GPHN: variants seen among roughly 807,000 people sequenced by gnomAD.
The protein encoded by GPHN is gephyrin.
A neutral mutation model predicts 95.5 loss-of-function variants in GPHN; 17 were observed. The ratio of observed to expected loss-of-function variants is 0.18; its 90% CI spans 0.12 to 0.27. GPHN has a LOEUF of 0.27. Among genes scored for constraint, GPHN ranks in the 10% least tolerant of loss-of-function variants. The probability of loss-of-function intolerance (pLI) is 1.00; values close to 1 mark genes in which losing one functional copy is unlikely to be tolerated. For missense variants in GPHN, 660 were observed against 978.1 expected, an observed-to-expected ratio of 0.67 and a Z score of 4.34; for synonymous variants, 320 against 322.5, an observed-to-expected ratio of 0.99 and a Z score of 0.08.
At chr14:67,593,565 T>TA in the GPHN span, 2 of 567,612 alleles carry the variant, frequency 3.5e-6, no homozygotes, top group Non-Finnish European at 6.2e-6. Flanking sequence ...GTCTTGAAGA[T>TA]AAAGTTGAAA....
At chr14:67,216,122 T>C in the GPHN span, among the ~76,000 whole-genome samples, 2 of 152,168 alleles carry the variant, frequency 1.3e-5, no homozygotes, top group South Asian at 2.1e-4. Flanking sequence ...ATCTAACATG[T>C]GGTACATTTG....
intron 21 of GPHN, among the ~76,000 whole-genome samples, chr14:67,179,266 G>T (rs930473126): frequency 6.6e-6 from 1 of 152,002 alleles, no homozygotes; most frequent in Non-Finnish European, 1.5e-5. Flanking sequence ...CATGCATGTG[G>T]TCCCAGCTAC....
At chr14:67,276,298 T>G in the GPHN span, among the ~76,000 whole-genome samples, 1 of 152,204 alleles carries the variant, frequency 6.6e-6, no homozygotes, top group Non-Finnish European at 1.5e-5. Context: ...TCCAGCTTTA[T>G]TGTATTCTAT....
intron 2 of GPHN, among the ~76,000 whole-genome samples, chr14:66,694,470 G>A (rs1052553221): frequency 3.9e-5 from 6 of 152,178 alleles, no homozygotes; most frequent in Non-Finnish European, 8.8e-5. Flanking sequence ...ATGGAGCAAA[G>A]ATAGTTTTTT....
chr14:66,824,800 G>T (rs1361906647), intron 4 of GPHN, among the ~76,000 whole-genome samples: 1 of 152,088 alleles, frequency 6.6e-6, no homozygotes, highest in African/African-American at 2.4e-5. Flanking sequence ...CTGGTCCAGA[G>T]GTAATCTGTC....
chr14:67,725,061 G>A, the GPHN span: 11 of 1,612,288 alleles, frequency 6.8e-6, no homozygotes, highest in Non-Finnish European at 8.5e-6. Flanking sequence ...TATAGCCTAG[G>A]ATATGAACAT....
chr14:67,578,034 C>A, the GPHN span: 3 of 1,613,532 alleles, frequency 1.9e-6, no homozygotes, highest in Non-Finnish European at 2.5e-6. This position sits in a 1 kb window ranked among gnomAD's most constrained non-coding sequence, Gnocchi z 5.0. Flanking sequence ...CCTGCCAGCT[C>A]TTCATCAACG....
In GPHN at chr14:66,718,690, G is replaced by A. The variant is rs1014246795; in HGVS notation, c.143+37505G>A. 2.0e-5 allele frequency among the ~76,000 whole-genome samples: 3 copies of A among 152,284 alleles called. No individual in the cohort carries two copies. In the South Asian group the frequency reaches 6.2e-4, roughly 32 times the overall value. ...GTGTTTTTACAGTGTGCTGATTGGT[G>A]CGTTTACAATCCTTTAGCTAGACAC... On this transcript the variant is annotated intron_variant, in intron 2 of 22. Coordinates refer to ENST00000478722, the MANE Select transcript of GPHN (RefSeq NM_020806.5).
intron 1 of GPHN, among the ~76,000 whole-genome samples, chr14:66,668,604 A>T (rs2066107941): frequency 6.6e-6 from 1 of 152,158 alleles, no homozygotes; most frequent in Non-Finnish European, 1.5e-5. Context: ...ACACGTATAG[A>T]GGAAGAACAC....
intron 1 of GPHN, among the ~76,000 whole-genome samples, chr14:66,567,059 G>A (rs2060490086): frequency 6.6e-6 from 1 of 152,196 alleles, no homozygotes; most frequent in South Asian, 2.1e-4. Flanking sequence ...TTCATCAAGA[G>A]AAGGAATTAC....
At chr14:67,267,970 A>T in the GPHN span, among the ~76,000 whole-genome samples, 27 of 151,972 alleles carry the variant, frequency 1.8e-4, no homozygotes, top group African/African-American at 6.0e-4. Context: ...TTTTTTATTT[A>T]TTCATTCCCA....
chr14:67,590,196 C>T, the GPHN span: 26 of 1,538,722 alleles, frequency 1.7e-5, no homozygotes, highest in Admixed American at 3.4e-4. Context: ...GGGAGAAATG[C>T]GGAGTCAAGG....
chr14:66,963,234 G>C (rs2069077318), intron 8 of GPHN, among the ~76,000 whole-genome samples: 1 of 151,744 alleles, frequency 6.6e-6, no homozygotes, highest in Admixed American at 6.6e-5. Context: ...AAAGTACCTA[G>C]CCACAAAATT....
In GPHN at chr14:66,978,567, G is replaced by A. The variant is rs193295862; in HGVS notation, c.963+13242G>A. 4.6e-5 allele frequency among the ~76,000 whole-genome samples: 7 copies of A among 152,150 alleles called. No individual in the cohort carries two copies. The East Asian group carries it at 9.7e-4, about 21-fold the overall frequency. ...TCATGAGTATCACAGTAATTCAGTC[G>A]CAACTTCAGGCTCCCCTTCTAATTG... On this transcript the variant is annotated intron_variant, in intron 9 of 22. Coordinates refer to ENST00000478722, the MANE Select transcript of GPHN (RefSeq NM_020806.5).
intron 11 of GPHN, among the ~76,000 whole-genome samples, chr14:67,086,531 G>A (rs1176661581): frequency 6.6e-6 from 1 of 150,928 alleles, no homozygotes; most frequent in Non-Finnish European, 1.5e-5. Flanking sequence ...GGCGCCTGTA[G>A]TCCCAGCTAC....
intron 1 of GPHN, among the ~76,000 whole-genome samples, chr14:66,538,337 A>G (rs1161656731): frequency 6.7e-6 from 1 of 149,738 alleles, no homozygotes; most frequent in East Asian, 2.0e-4. Context: ...TTTTTTTTTT[A>G]TCAGCCTTGG....
the GPHN span, chr14:67,353,139 T>C: frequency 2.2e-6 from 2 of 907,564 alleles, no homozygotes; most frequent in Non-Finnish European, 3.4e-6. Flanking sequence ...TATCCTTTGA[T>C]GTGATGAAAG....
intron 9 of GPHN, among the ~76,000 whole-genome samples, chr14:66,981,597 C>T (rs1482855210): frequency 6.6e-6 from 1 of 151,988 alleles, no homozygotes; most frequent in Non-Finnish European, 1.5e-5. Flanking sequence ...CATTGATAAT[C>T]ATAATTTTTT....
chr14:67,270,939 C>T, the GPHN span: 1 of 152,096 alleles, frequency 6.6e-6, no homozygotes, highest in Admixed American at 6.5e-5. Flanking sequence ...AAAAGTAGTT[C>T]ATCAGTCATT....
Sources: allele counts gnomAD v4.1 joint callset (sites outside exome capture counted in the v4.1 genomes callset), GRCh38; gene constraint gnomAD v4.1.1; non-coding constraint Gnocchi (gnomAD v3.1); transcripts MANE v1.5; gene names NCBI Gene and HGNC (gene_info 2026-07-23, HGNC 2026-07-21).